The following NFATC2 variants were observed in gnomAD, a reference collection of about 807,000 sequenced individuals.
NFATC2 encodes nuclear factor of activated T cells 2.
In NFATC2, 22 loss-of-function variants were observed where a neutral mutation model predicts 87.3. That is an observed-to-expected ratio of 0.25 (90% CI 0.18 to 0.36). The LOEUF is 0.36. Among genes scored for constraint, NFATC2 ranks in the 10% least tolerant of loss-of-function variants. The pLI, the probability that NFATC2 is intolerant of heterozygous loss-of-function variation, is 1.00. For missense variants in NFATC2, 1,149 were observed against 1,259.1 expected (o/e 0.91, Z 1.32); for synonymous variants, 565 against 542.2 (o/e 1.04, Z -0.58).
At chr20:51,505,260 T>A (rs938434465) in intron 3 of NFATC2, among the ~76,000 whole-genome samples, 5 of 151,826 alleles carry the variant, frequency 3.3e-5, no homozygotes, top group African/African-American at 1.2e-4. Context: ...GACCTTGTGA[T>A]CTGCCCACCT....
chr20:51,560,373 C>T (rs1315707111), intron 1 of NFATC2, among the ~76,000 whole-genome samples: 1 of 150,726 alleles, frequency 6.6e-6, no homozygotes, highest in Non-Finnish European at 1.5e-5. Context: ...ACAAAGCTCA[C>T]CCTGGGTTTG....
chr20:51,530,410 C>A (rs2076613838), intron 1 of NFATC2, among the ~76,000 whole-genome samples: 1 of 152,138 alleles, frequency 6.6e-6, no homozygotes, highest in South Asian at 2.1e-4. Context: ...CTCAAGTGAT[C>A]TGCCCACCTC....
chr20:51,475,710 A>C, intron 3 of NFATC2, 50 bp from the exon 4 acceptor site: 1 of 1,573,344 alleles, frequency 6.4e-7, no homozygotes. Flanking sequence ...TGGTGGCTCT[A>C]ATCCAATAAA....
intron 5 of NFATC2, among the ~76,000 whole-genome samples, chr20:51,467,873 ATAG>A (rs1262560713): frequency 6.6e-6 from 1 of 152,246 alleles, no homozygotes; most frequent in Non-Finnish European, 1.5e-5. Context: ...AGGAATGTGC[ATAG>A]TAGCCTTATC....
chr20:51,436,448 C>G (rs1351258146), intron 6 of NFATC2, among the ~76,000 whole-genome samples: 4 of 148,538 alleles, frequency 2.7e-5, no homozygotes, highest in African/African-American at 5.0e-5. Flanking sequence ...GTGGCTTATG[C>G]CTGTAATCCA....
At position 51,523,421 on chromosome 20, in the gene NFATC2, T is replaced by C. The variant is rs752199971; in HGVS notation, c.820A>G (p.Ser274Gly). 38 of 1,608,398 alleles carry C rather than the reference T, an allele frequency of 2.4e-5. No homozygotes were observed. Among genetic ancestry groups the C allele is most frequent in the Non-Finnish European group, 3.0e-5 (35 of 1,177,312 alleles). ...PPGASPQRSR[S>G]PSPQPSSHVA... The stretch of plus-strand genomic sequence containing the variant: ...TGAGATGAGGGCTGCGGCGAGGGGC[T>C]CCGGGAGCGCTGGGGTGAGGCTCCG... Residue 274 changes from serine (S) to glycine (G), a missense_variant, in exon 2 of 11, where the codon AGC (serine) becomes GGC (glycine). Ser to Gly is a moderately conservative substitution (Grantham distance 56). Coordinates refer to ENST00000371564, the MANE Select transcript of NFATC2 (RefSeq NM_012340.5). This position sits in a 1 kb window ranked among gnomAD's most constrained non-coding sequence, Gnocchi z 6.9.
intron 10 of NFATC2, 88 bp from the exon 11 acceptor site, chr20:51,391,539 C>G: frequency 7.5e-7 from 1 of 1,341,484 alleles, no homozygotes; most frequent in Non-Finnish European, 1.1e-6. Flanking sequence ...TTTCTAGAAC[C>G]TCTATTGGGC....
At chr20:51,487,339 G>A (rs1989797049) in intron 3 of NFATC2, among the ~76,000 whole-genome samples, 1 of 152,184 alleles carries the variant, frequency 6.6e-6, no homozygotes, top group Non-Finnish European at 1.5e-5. Context: ...TCCTCTGCGG[G>A]AGCCAGGGCA....
chr20:51,539,012 C>T (rs938606012), intron 1 of NFATC2, among the ~76,000 whole-genome samples: 1 of 152,130 alleles, frequency 6.6e-6, no homozygotes, highest in South Asian at 2.1e-4. Context: ...AGCAACACTG[C>T]CCATTTTGGG....
upstream of NFATC2, among the ~76,000 whole-genome samples, chr20:51,545,690 T>G (rs1173408014): frequency 6.6e-6 from 1 of 151,634 alleles, no homozygotes; most frequent in Non-Finnish European, 1.5e-5. Flanking sequence ...GATGGGTGGA[T>G]GGATGAATAG....
At chr20:51,435,654 A>G in intron 7 of NFATC2, 52 bp downstream of exon 7, 1 of 1,566,190 alleles carries the variant, frequency 6.4e-7, no homozygotes, top group Non-Finnish European at 8.7e-7. Flanking sequence ...AGAGCATGAA[A>G]GAGGGAAACG....
rs1174454437 is a variant in NFATC2, at chr20:51,475,488, G to C, written c.1505C>G (p.Pro502Arg). The C allele has an allele frequency of 4.3e-6, 7 of 1,613,790 alleles. No individual in the cohort carries two copies. In the East Asian group the frequency reaches 8.9e-5, roughly 21 times the overall value. ...IVGNTKVLEI[P>R]LEPKNNMRAT... The stretch of plus-strand genomic sequence containing the variant: ...CCTCATGTTGTTTTTGGGCTCCAAG[G>C]GTATCTCCAGGACTTTGGTGTTGCC... The change falls in exon 4 of 11, where the codon CCC (proline) becomes CGC (arginine). Residue 502 changes from proline to arginine, a missense_variant. Pro to Arg is a moderately radical substitution (Grantham distance 103). Coordinates refer to ENST00000371564, the MANE Select transcript of NFATC2 (RefSeq NM_012340.5).
At chr20:51,500,736 A>C (rs1420219488) in intron 3 of NFATC2, among the ~76,000 whole-genome samples, 5 of 24,136 alleles carry the variant, frequency 2.1e-4, no homozygotes, top group African/African-American at 3.7e-4. Context: ...CCTCACCCTC[A>C]CCAACCCCCA....
At chr20:51,472,078 C>A (rs906335184) in intron 5 of NFATC2, among the ~76,000 whole-genome samples, 4 of 152,104 alleles carry the variant, frequency 2.6e-5, no homozygotes, top group Admixed American at 2.0e-4. Flanking sequence ...CATGGCGAAA[C>A]CCTGTCTCTA....
intron 5 of NFATC2, among the ~76,000 whole-genome samples, chr20:51,457,408 T>C (rs1035988038): frequency 1.3e-5 from 2 of 152,202 alleles, no homozygotes; most frequent in Non-Finnish European, 2.9e-5. Context: ...CTCTCAGTGC[T>C]GGGCGGGAGG....
At chr20:51,519,609 C>T (rs2076409287) in intron 2 of NFATC2, among the ~76,000 whole-genome samples, 1 of 148,366 alleles carries the variant, frequency 6.7e-6, no homozygotes, top group Non-Finnish European at 1.5e-5. Flanking sequence ...GGCGACAGAG[C>T]AAGACTCCAT....
intron 1 of NFATC2, among the ~76,000 whole-genome samples, chr20:51,561,799 G>A (rs1404073205): frequency 6.6e-6 from 1 of 152,054 alleles, no homozygotes; most frequent in Non-Finnish European, 1.5e-5. Flanking sequence ...ATTCGTTATT[G>A]TGGAGCCAAA....
chr20:51,395,246 A>T (rs1210862381), intron 10 of NFATC2, among the ~76,000 whole-genome samples: 9 of 152,154 alleles, frequency 5.9e-5, no homozygotes, highest in African/African-American at 2.2e-4. Context: ...GGAAATAGAG[A>T]CAGGCAGACC....
Position 51,435,284 on chromosome 20 carries a change from G to C in NFATC2, c.1936C>G (p.Arg646Gly). 1 of 1,614,128 alleles carries C rather than the reference G, an allele frequency of 6.2e-7. No homozygotes were observed. The highest frequency in any genetic ancestry group is 8.5e-7 in the Non-Finnish European group (1 of 1,180,038). Residue 646 changes from arginine to glycine, a missense_variant, in exon 8 of 11, where the codon CGG becomes GGG. Around this residue, in one of 3 missense-constraint regions of NFATC2, gnomAD observed 581 missense variants for 649.7 expected, o/e 0.89. Transcript: ENST00000371564. Reference protein sequence around the residue: ...NMLFVEIPEYRNKHIRTPVKV... With the variant: ...NMLFVEIPEYGNKHIRTPVKV... ...ACAGGTGTGCGGATATGCTTGTTCC[G>C]ATATTCAGGGATCTCAACAAAAAGC...
Sources: gnomAD v4.1 joint callset for allele counts (sites outside exome capture counted in the v4.1 genomes callset) on GRCh38, gnomAD v4.1.1 for gene constraint, gnomAD v4.1.1 regional missense constraint, Gnocchi (gnomAD v3.1) non-coding constraint, MANE v1.5 for transcripts, NCBI Gene and HGNC (gene_info 2026-07-23, HGNC 2026-07-21) for gene names.